The following C1orf21 variants were observed in gnomAD, a reference collection of about 807,000 sequenced individuals.
The protein encoded by C1orf21 is chromosome 1 open reading frame 21, also known as uncharacterized protein C1orf21.
Under a neutral mutation model 18.7 loss-of-function variants are expected in C1orf21, and 3 were observed. That is an observed-to-expected ratio of 0.16 (90% CI 0.07 to 0.42). C1orf21 has a LOEUF of 0.42. C1orf21 is among the 10% of genes least tolerant of loss of function. The pLI, the probability that C1orf21 is intolerant of heterozygous loss-of-function variation, is 0.99. For synonymous variants in C1orf21, 41 were observed against 46.4 expected, an observed-to-expected ratio of 0.88 and a Z score of 0.47; for missense variants, 104 against 143.6, an observed-to-expected ratio of 0.72 and a Z score of 1.41.
At chr1:184,393,427 C>T (rs777951108) in intron 1 of C1orf21, among the ~76,000 whole-genome samples, 18 of 152,294 alleles carry the variant, frequency 1.2e-4, no homozygotes, top group Admixed American at 7.8e-4. Context: ...CTCAGGCTCC[C>T]GCCATCTCAA....
intron 3 of C1orf21, among the ~76,000 whole-genome samples, chr1:184,540,515 C>T (rs1404564210): frequency 6.6e-6 from 1 of 152,098 alleles, no homozygotes; most frequent in South Asian, 2.1e-4. Context: ...CTGCAACCTC[C>T]ACCTCCTGGG....
At chr1:184,537,038 A>T (rs572439233) in intron 3 of C1orf21, among the ~76,000 whole-genome samples, 7 of 152,168 alleles carry the variant, frequency 4.6e-5, no homozygotes, top group Admixed American at 3.3e-4. Context: ...CCCAGGTTAT[A>T]TACGGGCTAT....
intron 1 of C1orf21, among the ~76,000 whole-genome samples, chr1:184,457,514 A>G (rs545444788): frequency 1.3e-5 from 2 of 152,304 alleles, no homozygotes; most frequent in Non-Finnish European, 2.9e-5. Context: ...CTTAAGCAGA[A>G]TAAGTCTACC....
intron 1 of C1orf21, among the ~76,000 whole-genome samples, chr1:184,436,417 T>C (rs1315609708): frequency 6.6e-6 from 1 of 151,926 alleles, no homozygotes; most frequent in East Asian, 1.9e-4. Flanking sequence ...AAAGGGTGTG[T>C]AGAAGGATGT....
intron 1 of C1orf21, among the ~76,000 whole-genome samples, chr1:184,439,143 G>A (rs1313268664): frequency 6.6e-6 from 1 of 151,912 alleles, no homozygotes; most frequent in African/African-American, 2.4e-5. Context: ...CCCAGGAGGC[G>A]AAGGTTGCAG....
intron 1 of C1orf21, among the ~76,000 whole-genome samples, chr1:184,434,469 G>C (rs964721921): frequency 6.6e-6 from 1 of 152,186 alleles, no homozygotes; most frequent in Admixed American, 6.5e-5. Context: ...AGCATTCGAC[G>C]AAAGAGGCAG....
intron 1 of C1orf21, among the ~76,000 whole-genome samples, chr1:184,467,551 C>T (rs1657421095): frequency 6.6e-6 from 1 of 152,192 alleles, no homozygotes; most frequent in Non-Finnish European, 1.5e-5. Context: ...GCATGTACTT[C>T]TGCTGCAGAA....
At position 184,628,643 on chromosome 1, in the gene C1orf21, C is replaced by T. The variant is rs920092300; in HGVS notation, c.*9087C>T. 9 of 152,636 alleles carry T rather than the reference C, an allele frequency of 5.9e-5. No homozygotes were observed. The highest frequency in any genetic ancestry group is 2.9e-5 in the Non-Finnish European group (2 of 68,046). The allele number at this position is 152,636 out of a possible 1,614,324, so 9.5% of individuals were successfully genotyped here. ...AATAATTCAAAACCCTAAAGGAGAGCTGTCCCTAGACAGTAGTGGCTACAG... is the reference window on the plus strand; with the variant it reads ...AATAATTCAAAACCCTAAAGGAGAGTTGTCCCTAGACAGTAGTGGCTACAG... On this transcript the variant is annotated 3_prime_UTR_variant, in exon 6 of 6. Transcript: ENST00000235307.
intron 3 of C1orf21, among the ~76,000 whole-genome samples, chr1:184,569,887 C>A (rs764012288): frequency 6.6e-6 from 1 of 152,128 alleles, no homozygotes; most frequent in African/African-American, 2.4e-5. Context: ...AGCCATATGT[C>A]CTAAGCCAAA....
chr1:184,589,218 T>G (rs1659401838), intron 3 of C1orf21, among the ~76,000 whole-genome samples: 1 of 152,248 alleles, frequency 6.6e-6, no homozygotes, highest in African/African-American at 2.4e-5. Flanking sequence ...TCATTTTCAG[T>G]GTTTAATCTA....
At chr1:184,485,827 C>A (rs1362833902) in intron 2 of C1orf21, among the ~76,000 whole-genome samples, 1 of 152,182 alleles carries the variant, frequency 6.6e-6, no homozygotes, top group African/African-American at 2.4e-5. Context: ...GCTTCTGAAG[C>A]TGTTATTTCC....
intron 1 of C1orf21, among the ~76,000 whole-genome samples, chr1:184,401,774 A>G (rs1656155985): frequency 6.9e-6 from 1 of 144,802 alleles, no homozygotes; most frequent in Admixed American, 6.6e-5. Flanking sequence ...AGATACATTT[A>G]CAGCAAAAAA....
intron 3 of C1orf21, among the ~76,000 whole-genome samples, chr1:184,578,242 C>T (rs1659223561): frequency 6.6e-6 from 1 of 152,122 alleles, no homozygotes; most frequent in Admixed American, 6.5e-5. Context: ...AGGTGTGAGC[C>T]ACCATGCCTG....
At chr1:184,607,506 TA>T (rs1424938589) in intron 5 of C1orf21, among the ~76,000 whole-genome samples, 1 of 152,062 alleles carries the variant, frequency 6.6e-6, no homozygotes, top group East Asian at 1.9e-4. Flanking sequence ...GGAAGAAAAC[TA>T]AGTATCCACC....
chr1:184,402,926 T>C (rs577368593), intron 1 of C1orf21, among the ~76,000 whole-genome samples: 59 of 152,290 alleles, frequency 3.9e-4, no homozygotes, highest in African/African-American at 1.4e-3. Context: ...GTATAAGTTG[T>C]TAGAATAATT....
intron 2 of C1orf21, among the ~76,000 whole-genome samples, chr1:184,489,223 A>T (rs1166377202): frequency 6.6e-6 from 1 of 152,204 alleles, no homozygotes. Context: ...TGACTAATAG[A>T]AAAAGACCCT....
At chr1:184,437,935 A>G (rs1276249691) in intron 1 of C1orf21, among the ~76,000 whole-genome samples, 1 of 152,004 alleles carries the variant, frequency 6.6e-6, no homozygotes, top group Non-Finnish European at 1.5e-5. Context: ...GCAGTTCACA[A>G]TAGGGTTTGC....
chr1:184,613,542 TA>T (rs1659772203), intron 5 of C1orf21, among the ~76,000 whole-genome samples: 1 of 152,198 alleles, frequency 6.6e-6, no homozygotes, highest in African/African-American at 2.4e-5. Context: ...TTGTGTTGTT[TA>T]AAAAGGCTGC....
At chr1:184,587,186 T>G (rs1236308868) in intron 3 of C1orf21, among the ~76,000 whole-genome samples, 1 of 151,942 alleles carries the variant, frequency 6.6e-6, no homozygotes, top group Non-Finnish European at 1.5e-5. Context: ...GTTGCTGTAG[T>G]CCTGTAGCAT....
Sources: gnomAD v4.1 joint callset for allele counts (sites outside exome capture counted in the v4.1 genomes callset) on GRCh38, gnomAD v4.1.1 for gene constraint, MANE v1.5 for transcripts, NCBI Gene and HGNC (gene_info 2026-07-23, HGNC 2026-07-21) for gene names.